Variants in SPAG16 observed in about 807,000 individuals in gnomAD.
SPAG16 encodes sperm associated antigen 16.
Under a neutral mutation model 80.4 loss-of-function variants are expected in SPAG16, and 86 were observed. The ratio of observed to expected loss-of-function variants is 1.07; its 90% CI spans 0.90 to 1.28. The LOEUF is 1.28. Ranked by LOEUF, SPAG16 falls within the 50% of genes most tolerant of loss-of-function variation. SPAG16 has a pLI of 0.00. For synonymous variants in SPAG16, 294 were observed against 265.9 expected, an observed-to-expected ratio of 1.11 and a Z score of -1.03; for missense variants, 870 against 765.3, an observed-to-expected ratio of 1.14 and a Z score of -1.61.
At chr2:214,233,063 C>G (rs1688810684) in intron 15 of SPAG16, among the ~76,000 whole-genome samples, 2 of 151,952 alleles carry the variant, frequency 1.3e-5, no homozygotes, top group African/African-American at 4.8e-5. Flanking sequence ...AGTTCAAAAT[C>G]AGGCAAAACT....
chr2:214,285,235 C>A (rs896235853), intron 15 of SPAG16, among the ~76,000 whole-genome samples: 7 of 152,096 alleles, frequency 4.6e-5, no homozygotes, highest in African/African-American at 7.2e-5. Context: ...ATGACAGCAC[C>A]TTTTCATCTA....
Position 213,358,584 on chromosome 2 carries a change from C to T in SPAG16, c.763-5492C>T, listed in dbSNP as rs898795729. Reference sequence around the variant, plus strand: ...GCTTGTGCATGCATCACAACGTTTTCGTGCTGTGGTTTTCAGCTCCATCAG... The same window carrying T: ...GCTTGTGCATGCATCACAACGTTTTTGTGCTGTGGTTTTCAGCTCCATCAG... On this transcript the variant is annotated intron_variant, in intron 7 of 15. Coordinates refer to ENST00000331683, the MANE Select transcript of SPAG16 (RefSeq NM_024532.5). 1.1e-4 allele frequency among the ~76,000 whole-genome samples: 17 copies of T among 152,252 alleles called. No homozygotes were observed. The Middle Eastern group carries it at 0.01, about 91-fold the overall frequency.
intron 12 of SPAG16, among the ~76,000 whole-genome samples, chr2:213,980,712 G>GTATA (rs1553686607): frequency 7.5e-4 from 85 of 113,924 alleles, no homozygotes; most frequent in African/African-American, 1.1e-3. Context: ...GTGTGTGTGT[G>GTATA]TATATATATA....
chr2:213,789,485 T>G (rs1374931629), intron 10 of SPAG16, among the ~76,000 whole-genome samples: 1 of 152,014 alleles, frequency 6.6e-6, no homozygotes, highest in Non-Finnish European at 1.5e-5. Flanking sequence ...GTGTGGCATC[T>G]TTCCTGAAAA....
At chr2:213,645,777 G>GC (rs542437167) in intron 10 of SPAG16, among the ~76,000 whole-genome samples, 7 of 152,138 alleles carry the variant, frequency 4.6e-5, no homozygotes, top group South Asian at 2.1e-4. Flanking sequence ...TAGTCACGTG[G>GC]CCCCCCCAGT....
chr2:214,067,935 G>A (rs2058992), intron 13 of SPAG16, among the ~76,000 whole-genome samples: 142,861 of 152,248 alleles, frequency 0.94, 67,439 homozygotes, highest in Non-Finnish European at 0.99. Flanking sequence ...AAAAAATAAT[G>A]TGTTACTTTG....
intron 10 of SPAG16, among the ~76,000 whole-genome samples, chr2:213,832,156 CCT>C (rs1466351588): frequency 2.0e-5 from 3 of 151,924 alleles, no homozygotes; most frequent in Non-Finnish European, 2.9e-5. Flanking sequence ...TGCCACGGCG[CCT>C]GGCTAATTTT....
At chr2:213,558,591 A>AT (rs2059504676) in intron 10 of SPAG16, among the ~76,000 whole-genome samples, 1 of 152,066 alleles carries the variant, frequency 6.6e-6, no homozygotes. Context: ...GATAAAGTAT[A>AT]TTTTTAAAAA....
At chr2:213,373,671 G>T (rs1252443429) in intron 8 of SPAG16, among the ~76,000 whole-genome samples, 1 of 152,106 alleles carries the variant, frequency 6.6e-6, no homozygotes. Context: ...GGATTCTTGA[G>T]TTTCTCTCCC....
At chr2:213,630,395 A>G (rs1490058096) in intron 10 of SPAG16, among the ~76,000 whole-genome samples, 1 of 152,134 alleles carries the variant, frequency 6.6e-6, no homozygotes, top group African/African-American at 2.4e-5. Flanking sequence ...AAAAAAAAAA[A>G]AAAGATGTTT....
intron 10 of SPAG16, among the ~76,000 whole-genome samples, chr2:213,617,824 A>G (rs2061650255): frequency 6.6e-6 from 1 of 152,090 alleles, no homozygotes; most frequent in South Asian, 2.1e-4. Flanking sequence ...AAAAAATAAA[A>G]TGAATAAGTA....
chr2:213,321,052 T>G (rs1575185771), intron 5 of SPAG16, among the ~76,000 whole-genome samples: 1 of 152,132 alleles, frequency 6.6e-6, no homozygotes, highest in East Asian at 1.9e-4. Context: ...ATTTTTAGGA[T>G]TAGGATATTT....
intron 10 of SPAG16, among the ~76,000 whole-genome samples, chr2:213,675,861 T>C (rs55720212): frequency 0.26 from 38,179 of 148,952 alleles, 5,409 homozygotes; most frequent in Middle Eastern, 0.38. Flanking sequence ...ATTGACTTGG[T>C]GATGCGGGCT....
At position 214,231,485 on chromosome 2, in the gene SPAG16, A is replaced by G. The variant is rs79195486; in HGVS notation, c.1720+82219A>G. Among the ~76,000 whole-genome samples, 116 of 152,138 alleles carry G rather than the reference A, an allele frequency of 7.6e-4. 1 individual carries two copies. The highest frequency in any genetic ancestry group is 2.6e-3 in the African/African-American group (108 of 41,562). On this transcript the variant is annotated intron_variant, in intron 15 of 15. Transcript: ENST00000331683. ...TTAAATAAATAATACTTATAAGTTT[A>G]TAAGTATTGTATAACGATACTCATG...
intron 12 of SPAG16, among the ~76,000 whole-genome samples, chr2:213,971,168 G>T (rs970483676): frequency 6.6e-6 from 1 of 152,018 alleles, no homozygotes; most frequent in African/African-American, 2.4e-5. Flanking sequence ...CATTTCAAAA[G>T]ATATTAATCA....
At chr2:213,884,796 A>G (rs556177694) in intron 11 of SPAG16, among the ~76,000 whole-genome samples, 3 of 152,238 alleles carry the variant, frequency 2.0e-5, no homozygotes, top group South Asian at 4.2e-4. Flanking sequence ...AGTACTTCCA[A>G]TTGTATTATG....
At chr2:213,631,678 G>A (rs1251198889) in intron 10 of SPAG16, among the ~76,000 whole-genome samples, 1 of 152,134 alleles carries the variant, frequency 6.6e-6, no homozygotes, top group Non-Finnish European at 1.5e-5. Context: ...AAAGATAGGG[G>A]ACTAGTTTGA....
At chr2:213,758,624 T>C (rs2068475911) in intron 10 of SPAG16, among the ~76,000 whole-genome samples, 1 of 151,872 alleles carries the variant, frequency 6.6e-6, no homozygotes, top group Non-Finnish European at 1.5e-5. Context: ...AACTTGAAGA[T>C]AGGACAATGG....
At position 213,624,831 on chromosome 2, in the gene SPAG16, C is replaced by T. The variant is rs141919263; in HGVS notation, c.1070+134741C>T. Among the ~76,000 whole-genome samples the T allele has an allele frequency of 4.3e-3, 658 of 152,212 alleles. 6 individuals carry two copies. Among genetic ancestry groups the T allele is most frequent in the African/African-American group, 0.015 (621 of 41,534 alleles). On this transcript the variant is annotated intron_variant, in intron 10 of 15. Transcript: ENST00000331683. ...TTTGAGATGGAGTCTTGATCTGTTG[C>T]CCAGGCTGGAGTGCAATGGCGTGAT...
Sources: gnomAD v4.1 joint callset for allele counts (sites outside exome capture counted in the v4.1 genomes callset) on GRCh38, gnomAD v4.1.1 for gene constraint, MANE v1.5 for transcripts, NCBI Gene and HGNC (gene_info 2026-07-23, HGNC 2026-07-21) for gene names.